MEGF11: variants seen among roughly 807,000 people sequenced by gnomAD.
MEGF11 encodes the protein multiple epidermal growth factor-like domains protein 11.
In MEGF11, 126 loss-of-function variants were observed where a neutral mutation model predicts 146.6. The ratio of observed to expected loss-of-function variants is 0.86; its 90% CI spans 0.74 to 1.00. The LOEUF (loss-of-function observed/expected upper bound fraction) is 1.00. MEGF11 is among the 50% of genes least tolerant of loss of function. The probability of loss-of-function intolerance (pLI) is 0.00; values close to 1 mark genes in which losing one functional copy is unlikely to be tolerated. For missense variants in MEGF11, 1,509 were observed against 1,521.2 expected, an observed-to-expected ratio of 0.99 and a Z score of 0.13; for synonymous variants, 532 against 583.4, an observed-to-expected ratio of 0.91 and a Z score of 1.27.
intron 5 of MEGF11, among the ~76,000 whole-genome samples, chr15:66,051,982 T>C (rs1216240062): frequency 1.3e-5 from 2 of 152,182 alleles, no homozygotes; most frequent in Non-Finnish European, 2.9e-5. Context: ...ATAACTCTTA[T>C]TTACTCCATC....
chr15:66,169,393 G>A (rs2090184795), intron 1 of MEGF11, among the ~76,000 whole-genome samples: 1 of 152,230 alleles, frequency 6.6e-6, no homozygotes, highest in African/African-American at 2.4e-5. Flanking sequence ...GCCGGGACCA[G>A]CAGAGCCAAA....
At chr15:65,999,180 T>TACC (rs774482839) in intron 5 of MEGF11, among the ~76,000 whole-genome samples, 5 of 151,902 alleles carry the variant, frequency 3.3e-5, no homozygotes, top group Non-Finnish European at 4.4e-5. Flanking sequence ...TACAGGCACA[T>TACC]ACCACCATGA....
chr15:66,065,052 A>C (rs1033691954), intron 5 of MEGF11, among the ~76,000 whole-genome samples: 11 of 152,158 alleles, frequency 7.2e-5, no homozygotes, highest in African/African-American at 2.7e-4. Flanking sequence ...CCTTGTGTCC[A>C]TAGAGACCCA....
chr15:65,944,312 A>C (rs922467829), intron 10 of MEGF11, among the ~76,000 whole-genome samples: 5 of 152,194 alleles, frequency 3.3e-5, no homozygotes, highest in Admixed American at 6.5e-5. Context: ...GGAAGACAGC[A>C]AGAAGGCTTT....
intron 1 of MEGF11, among the ~76,000 whole-genome samples, chr15:66,211,985 A>AC (rs2091466942): frequency 6.6e-6 from 1 of 152,248 alleles, no homozygotes; most frequent in Non-Finnish European, 1.5e-5. Flanking sequence ...AGACCACCAG[A>AC]ATTTCTCTCA....
chr15:66,218,992 A>AAAAAAAAAAAAAAAAC (rs1163004634), intron 1 of MEGF11, among the ~76,000 whole-genome samples: 3 of 151,314 alleles, frequency 2.0e-5, no homozygotes, highest in African/African-American at 7.3e-5. Flanking sequence ...AAAAAAAAAA[A>AAAAAAAAAAAAAAAAC]AAAACCTTAA....
chr15:66,138,306 G>C (rs566836578), intron 1 of MEGF11, among the ~76,000 whole-genome samples: 27 of 152,288 alleles, frequency 1.8e-4, no homozygotes, highest in Non-Finnish European at 3.1e-4. Flanking sequence ...TCTGGCTGCG[G>C]TGAGACTGCT....
chr15:66,226,743 G>T (rs1291197684), intron 1 of MEGF11, among the ~76,000 whole-genome samples: 1 of 151,742 alleles, frequency 6.6e-6, no homozygotes, highest in African/African-American at 2.4e-5. Flanking sequence ...AGCATCCACT[G>T]GGGGGGCTTG....
chr15:65,942,613 C>T (rs1258988521), intron 10 of MEGF11, among the ~76,000 whole-genome samples: 2 of 152,120 alleles, frequency 1.3e-5, no homozygotes, highest in Non-Finnish European at 2.9e-5. Flanking sequence ...CACATCCAGG[C>T]AGGTCTCTGC....
At chr15:66,043,191 C>T (rs542051358) in intron 5 of MEGF11, among the ~76,000 whole-genome samples, 1 of 152,354 alleles carries the variant, frequency 6.6e-6, no homozygotes, top group South Asian at 2.1e-4. Flanking sequence ...CTGACTCCAG[C>T]AGGTGCAAGC....
chr15:65,995,525 C>T (rs2082172254), intron 5 of MEGF11, among the ~76,000 whole-genome samples: 1 of 152,170 alleles, frequency 6.6e-6, no homozygotes, highest in African/African-American at 2.4e-5. Flanking sequence ...TCATCATTGG[C>T]CAGTAACAGC....
At chr15:66,092,126 GC>G (rs141857288) in intron 5 of MEGF11, among the ~76,000 whole-genome samples, 30,175 of 152,024 alleles carry the variant, frequency 0.2, 3,124 homozygotes, top group East Asian at 0.39. Flanking sequence ...ATCAGTAGAA[GC>G]TAAAAGGTAG....
rs1371821433 is a variant in MEGF11 at position 66,023,150 on chromosome 15, A to AAAC, written c.395-40663_395-40662insGTT. On this transcript the variant is annotated intron_variant, in intron 5 of 25. Transcript: ENST00000395614. Reference sequence around the variant, plus strand: ...AGTGAGACTCCATCTCAAAAAAAAAAAAAAACAAACTTGTTTGAAGCTCTA... The same window carrying AAAC: ...AGTGAGACTCCATCTCAAAAAAAAAAAACAAAAACAAACTTGTTTGAAGCTCTA... Among the ~76,000 whole-genome samples the AAAC allele has an allele frequency of 1.8e-3, 273 of 151,528 alleles. 7 individuals carry two copies. The highest frequency in any genetic ancestry group is 5.4e-3 in the African/African-American group (224 of 41,290).
chr15:66,204,520 A>G (rs552941848), intron 1 of MEGF11, among the ~76,000 whole-genome samples: 1 of 152,372 alleles, frequency 6.6e-6, no homozygotes, highest in Admixed American at 6.5e-5. Flanking sequence ...GACCTGTGGT[A>G]GAAAAGGCAT....
At chr15:66,101,913 GC>G (rs1254975281) in intron 4 of MEGF11, among the ~76,000 whole-genome samples, 1 of 152,204 alleles carries the variant, frequency 6.6e-6, no homozygotes, top group Non-Finnish European at 1.5e-5. Flanking sequence ...GTCATCAAAT[GC>G]CAGTGTCAGA....
intron 1 of MEGF11, among the ~76,000 whole-genome samples, chr15:66,194,374 T>A (rs988321807): frequency 6.6e-6 from 1 of 152,118 alleles, no homozygotes; most frequent in Admixed American, 6.5e-5. Flanking sequence ...TTTGGGAGGC[T>A]GAGGTGGGTG....
chr15:66,126,586 C>T (rs1000744717), intron 2 of MEGF11, among the ~76,000 whole-genome samples: 1 of 152,194 alleles, frequency 6.6e-6, no homozygotes, highest in African/African-American at 2.4e-5. Context: ...GGGGGACGCT[C>T]CCTGGAAGAG....
At chr15:66,082,203 A>G (rs1443246118) in intron 5 of MEGF11, among the ~76,000 whole-genome samples, 1 of 151,918 alleles carries the variant, frequency 6.6e-6, no homozygotes, top group Non-Finnish European at 1.5e-5. Context: ...TTGGGTGAAT[A>G]TCAGAAGTGA....
At chr15:66,091,203 C>T (rs544779237) in intron 5 of MEGF11, among the ~76,000 whole-genome samples, 14 of 152,170 alleles carry the variant, frequency 9.2e-5, no homozygotes, top group Non-Finnish European at 1.3e-4. Flanking sequence ...GATTTGGGCC[C>T]ACAAAGACCC....
Sources: allele counts gnomAD v4.1 joint callset (sites outside exome capture counted in the v4.1 genomes callset), GRCh38; gene constraint gnomAD v4.1.1; transcripts MANE v1.5; gene names NCBI Gene and HGNC (gene_info 2026-07-23, HGNC 2026-07-21).